The following DRC3 variants were observed in gnomAD, a reference collection of about 807,000 sequenced individuals.
The protein encoded by DRC3 is leucine rich repeat containing 48.
A neutral mutation model predicts 57.6 loss-of-function variants in DRC3; 45 were observed. The ratio of observed to expected loss-of-function variants is 0.78; its 90% confidence interval spans 0.62 to 1.00. DRC3 has a LOEUF of 1.00. Ranked by LOEUF, DRC3 falls within the 50% of genes least tolerant of loss-of-function variation. The pLI is 0.00. For missense variants in DRC3, 655 were observed against 675.2 expected (o/e 0.97, Z 0.33); for synonymous variants, 257 against 272.3 (o/e 0.94, Z 0.55).
At chr17:18,012,427 C>T (rs892895910) in intron 12 of DRC3, among the ~76,000 whole-genome samples, 1 of 152,190 alleles carries the variant, frequency 6.6e-6, no homozygotes, top group Non-Finnish European at 1.5e-5. Flanking sequence ...TGCCTGTAAT[C>T]CCAGCACTTT....
chr17:18,002,678 A>G (rs2043787302), intron 9 of DRC3, among the ~76,000 whole-genome samples: 1 of 152,176 alleles, frequency 6.6e-6, no homozygotes, highest in Non-Finnish European at 1.5e-5. Flanking sequence ...ACTGTGCACC[A>G]GGTGCTTCCT....
chr17:18,007,080 C>G lies in DRC3; in HGVS notation c.1259C>G (p.Ser420Cys). ...CACCACGAGAAGCTCCTGGAGATCT[C>G]TATCAGCACCCTGGAGAAGATTGTC... ...NHHHEKLLEI[S>C]ISTLEKIVEG... Residue 420 changes from serine to cysteine, a missense_variant, in exon 12 of 14, where the codon TCT becomes TGT. Transcript: ENST00000399187. The G allele has an allele frequency of 2.1e-6, 3 of 1,408,686 alleles. No individual in the cohort carries two copies. Among genetic ancestry groups the G allele is most frequent in the Non-Finnish European group, 2.8e-6 (3 of 1,067,484 alleles). 87.3% of individuals were successfully genotyped at this position (1,408,686 alleles called of 1,614,324 possible).
chr17:17,973,379 A>T (rs983261333), intron 1 of DRC3, among the ~76,000 whole-genome samples: 1 of 152,090 alleles, frequency 6.6e-6, no homozygotes, highest in Admixed American at 6.5e-5. Flanking sequence ...ACCGCTTTGG[A>T]TGTGAATACG....
intron 9 of DRC3, 81 bp downstream of exon 9, chr17:17,997,715 C>G: frequency 3.9e-6 from 5 of 1,274,342 alleles, no homozygotes; most frequent in Non-Finnish European, 5.3e-6. Flanking sequence ...TGTAGGGGGA[C>G]TGCAACTCCT....
At chr17:18,004,617 G>A (rs1296951204) in intron 10 of DRC3, 123 bp downstream of exon 10, 11 of 1,078,172 alleles carry the variant, frequency 1.0e-5, no homozygotes, top group South Asian at 9.6e-5. Context: ...AGCGTGGCAG[G>A]CTGTAGCTTT....
At chr17:17,977,967 G>A in intron 3 of DRC3, 5 of 481,202 alleles carry the variant, frequency 1.0e-5, no homozygotes, top group South Asian at 3.4e-5. Flanking sequence ...TATCCACGAC[G>A]CTCCGGATTC....
chr17:18,004,480 G>C lies in DRC3; in HGVS notation c.1117G>C (p.Val373Leu). Residue 373 changes from valine to leucine, a missense_variant, in exon 10 of 14, where the codon GTG becomes CTG. Transcript: ENST00000399187. ...DALMTLEMQL[V>L]EQLEETINMF... is the part of the protein sequence containing the mutation. The stretch of plus-strand genomic sequence containing the variant: ...GCTCATGACGCTGGAGATGCAGCTG[G>C]TGGAGCAGCTGGAGGTAAGGCTGGG... 1 of 1,611,192 alleles carries C rather than the reference G, an allele frequency of 6.2e-7. No individual in the cohort carries two copies. The highest frequency in any genetic ancestry group is 2.2e-5 in the East Asian group (1 of 44,816).
rs532216991 is a variant in DRC3, at chr17:17,990,848, G to A, written c.445-1917G>A. 7.8e-4 allele frequency among the ~76,000 whole-genome samples: 118 copies of A among 152,212 alleles called. 1 individual carries two copies. The highest frequency in any genetic ancestry group is 1.1e-3 in the Non-Finnish European group (75 of 68,024). On this transcript the variant is annotated intron_variant, in intron 5 of 13. Transcript: ENST00000399187. ...TCTACTAAAAATATAAAAATGAGCC[G>A]GGTGTGGTGGCGGGTGCCTGTAATC...
rs748821348 is a variant in DRC3 at position 18,006,237 on chromosome 17, G to A, written c.1186G>A (p.Glu396Lys). 4 of 1,611,000 alleles carry A rather than the reference G, an allele frequency of 2.5e-6. No individual in the cohort carries two copies. The highest frequency in any genetic ancestry group is 2.2e-5 in the East Asian group (1 of 44,864). Residue 396 changes from glutamate (E) to lysine (K), a missense_variant, in exon 11 of 14, where the codon GAA becomes AAA. Coordinates refer to ENST00000399187, the MANE Select transcript of DRC3 (RefSeq NM_031294.4). ...TGTTGACATGGTAGGACTGTTTATCGAAAATGTCCAAAGCCTATATCCTTT... is the reference window on the plus strand; with the variant it reads ...TGTTGACATGGTAGGACTGTTTATCAAAAATGTCCAAAGCCTATATCCTTT... ...NIVDMVGLFI[E>K]NVQSLMAQCR...
intron 5 of DRC3, among the ~76,000 whole-genome samples, chr17:17,989,751 C>G (rs986648442): frequency 1.3e-5 from 2 of 152,220 alleles, no homozygotes; most frequent in Non-Finnish European, 2.9e-5. Flanking sequence ...ATTCCCGCAA[C>G]AGCTGAGGGA....
At chr17:17,983,128 C>T (rs1303787979) in intron 3 of DRC3, among the ~76,000 whole-genome samples, 4 of 152,160 alleles carry the variant, frequency 2.6e-5, no homozygotes, top group East Asian at 1.9e-4. Context: ...GTGTAGCTGG[C>T]GTGGGTGGTC....
intron 6 of DRC3, 118 bp from the exon 7 acceptor site, chr17:17,994,181 C>A: frequency 7.4e-7 from 1 of 1,350,414 alleles, no homozygotes. Context: ...TCATGCAGGC[C>A]CCTGTGCAAC....
intron 9 of DRC3, among the ~76,000 whole-genome samples, chr17:18,002,648 G>C (rs1026099205): frequency 6.6e-6 from 1 of 152,198 alleles, no homozygotes; most frequent in African/African-American, 2.4e-5. Flanking sequence ...TTTTATAGGA[G>C]ACTCCGGTAG....
At chr17:18,007,493 G>A in intron 12 of DRC3, 2 of 1,550,594 alleles carry the variant, frequency 1.3e-6, no homozygotes, top group Non-Finnish European at 1.7e-6. Flanking sequence ...TCCCCTGGAG[G>A]TCTTCTTAAC....
At chr17:18,000,077 C>T (rs1334912363) in intron 9 of DRC3, among the ~76,000 whole-genome samples, 4 of 132,014 alleles carry the variant, frequency 3.0e-5, no homozygotes, top group East Asian at 2.2e-4. Flanking sequence ...ACTTTGCTTT[C>T]GTGTGTGTGT....
At chr17:17,978,789 C>T (rs1198115120) in intron 3 of DRC3, among the ~76,000 whole-genome samples, 5 of 152,142 alleles carry the variant, frequency 3.3e-5, no homozygotes, top group Admixed American at 1.3e-4. Context: ...TGCAGCTGAC[C>T]GCTTGCCCTC....
Position 18,004,394 on chromosome 17 carries a change from T to G in DRC3, c.1031T>G (p.Leu344Arg), listed in dbSNP as rs756232152. ...AGTGCCATTCGAGAGGAGTTGGAAC[T>G]GCCCAACATTGAGAAGATGATCCTA... ...SLSAIREELE[L>R]PNIEKMILEC... The change falls in exon 10 of 14, where the codon CTG becomes CGG. Residue 344 changes from leucine to arginine, a missense_variant. Transcript: ENST00000399187. 26 of 1,606,968 alleles carry G rather than the reference T, an allele frequency of 1.6e-5. No individual in the cohort carries two copies. Among genetic ancestry groups the G allele is most frequent in the Non-Finnish European group, 2.2e-5 (26 of 1,176,538 alleles).
intron 5 of DRC3, among the ~76,000 whole-genome samples, chr17:17,989,226 G>A (rs2043107171): frequency 6.6e-6 from 1 of 152,184 alleles, no homozygotes; most frequent in Admixed American, 6.5e-5. Flanking sequence ...GGTAAGTTGG[G>A]AAAGCCTGGC....
chr17:17,994,379 G>C lies in DRC3; in HGVS notation c.672G>C (p.Glu224Asp), dbSNP rs747487490. 2.5e-4 allele frequency: 386 copies of C among 1,554,758 alleles called. 1 individual carries two copies. Among genetic ancestry groups the C allele is most frequent in the Non-Finnish European group, 3.2e-4 (372 of 1,149,122 alleles). ...HQENLMQAQL[E>D]DEQAQREELE... Reference sequence around the variant, plus strand: ...AGAACCTGATGCAGGCCCAGCTGGAGGACGAGCAGGCGCAGCGGGAGGAGC... The same window carrying C: ...AGAACCTGATGCAGGCCCAGCTGGACGACGAGCAGGCGCAGCGGGAGGAGC... The change falls in exon 7 of 14, where the codon GAG becomes GAC. Residue 224 changes from glutamate to aspartate, a missense_variant. Coordinates refer to ENST00000399187, the MANE Select transcript of DRC3 (RefSeq NM_031294.4).
Sources: gnomAD v4.1 joint callset for allele counts (sites outside exome capture counted in the v4.1 genomes callset) on GRCh38, gnomAD v4.1.1 for gene constraint, MANE v1.5 for transcripts, NCBI Gene and HGNC (gene_info 2026-07-23, HGNC 2026-07-21) for gene names.